Variants in SEC24A observed in about 807,000 individuals in gnomAD.
SEC24A encodes the protein SEC24 homolog A, COPII component, also known as protein transport protein Sec24A.
In SEC24A, 93 loss-of-function variants were observed where a neutral mutation model predicts 129.4. The ratio of observed to expected loss-of-function variants is 0.72; its 90% CI spans 0.61 to 0.85. The LOEUF (loss-of-function observed/expected upper bound fraction) is 0.85, where lower values mean the gene tolerates loss of function less well. Ranked by LOEUF, SEC24A falls within the 40% of genes least tolerant of loss-of-function variation. The pLI, the probability that SEC24A is intolerant of heterozygous loss-of-function variation, is 0.00. For synonymous variants in SEC24A, 460 were observed against 467.3 expected (o/e 0.98, Z 0.20); for missense variants, 1,264 against 1,307.4 (o/e 0.97, Z 0.51).
At chr5:134,705,090 A>ATATATATATATATATATATATATATT (rs1180461537) in intron 16 of SEC24A, among the ~76,000 whole-genome samples, 2 of 123,304 alleles carry the variant, frequency 1.6e-5, no homozygotes, top group Non-Finnish European at 3.4e-5. Context: ...ATATATATAT[A>ATATATATATATATATATATATATATT]TTTTTTTTTT....
chr5:134,672,568 G>A (rs1010008446), intron 4 of SEC24A, among the ~76,000 whole-genome samples: 7 of 151,886 alleles, frequency 4.6e-5, no homozygotes, highest in South Asian at 2.1e-4. Context: ...GGGCTCAAGC[G>A]ATCTGCCCAT....
In SEC24A at chr5:134,679,482, C is replaced by CT. The variant is rs1751185623; in HGVS notation, c.1255-119dup. 1.5e-5 allele frequency: 9 copies of CT among 595,740 alleles called. No homozygotes were observed. The Admixed American group carries it at 2.2e-4, about 15-fold the overall frequency. 36.9% of individuals were successfully genotyped at this position (595,740 alleles called of 1,614,324 possible). ...TGGCAGTTTAGATACATCTTGTACT[C>CT]TAAGTTTTCTCTAAAATGATAATAT... On this transcript the variant is annotated intron_variant, in intron 7 of 22. Transcript: ENST00000398844.
rs146328687 is a variant in SEC24A, at chr5:134,687,442, C to T, written c.1604+540C>T. On this transcript the variant is annotated intron_variant, in intron 10 of 22. Coordinates refer to ENST00000398844, the MANE Select transcript of SEC24A (RefSeq NM_021982.3). The stretch of plus-strand genomic sequence containing the variant: ...CATTTGGTTATCAAGTGTCTTAAGT[C>T]TCTTAAAATAACTATTTCCAGTGGT... 9.2e-5 allele frequency among the ~76,000 whole-genome samples: 14 copies of T among 152,252 alleles called. No individual in the cohort carries two copies. The East Asian group carries it at 2.5e-3, about 27-fold the overall frequency.
chr5:134,707,888 A>G (rs1323565024), intron 17 of SEC24A, among the ~76,000 whole-genome samples: 1 of 152,102 alleles, frequency 6.6e-6, no homozygotes, highest in Admixed American at 6.6e-5. Flanking sequence ...GTCATGGCAA[A>G]TGATGAAAAT....
In SEC24A at chr5:134,649,130, C is replaced by T; in HGVS notation, c.54C>T (p.Ala18=). 6.2e-7 allele frequency: 1 copy of T among 1,610,378 alleles called. No individual in the cohort carries two copies. Among genetic ancestry groups the T allele is most frequent in the Non-Finnish European group, 8.5e-7 (1 of 1,178,518 alleles). The change falls in exon 1 of 23, where the codon GCC becomes GCT. Residue 18 remains alanine, a synonymous_variant. Transcript: ENST00000398844. The stretch of plus-strand genomic sequence containing the variant: ...GCGGCGCCCCAGCCAGCCTCCAGGC[C>T]CAGAACGGAGCCGCCTTGGCCTCGG... ...ASGGAPASLQ[A]QNGAALASGS...
chr5:134,722,217 G>A (rs1256013810), intron 21 of SEC24A, among the ~76,000 whole-genome samples: 5 of 152,090 alleles, frequency 3.3e-5, no homozygotes, highest in Non-Finnish European at 4.4e-5. Flanking sequence ...TTGCCCGGGC[G>A]TGGTGGCTCA....
chr5:134,682,405 A>G lies in SEC24A; in HGVS notation c.1414A>G (p.Arg472Gly). The stretch of plus-strand genomic sequence containing the variant: ...AGAATTCTTGTACAACCCTTTGACC[A>G]GAGTTTATGGAGAACCTCACAGAAG... ...PEEFLYNPLTRVYGEPHRRPE... is the reference protein window; with the variant it reads ...PEEFLYNPLTGVYGEPHRRPE... The change falls in exon 9 of 23, where the codon AGA becomes GGA. Residue 472 changes from arginine to glycine, a missense_variant. Coordinates refer to ENST00000398844, the MANE Select transcript of SEC24A (RefSeq NM_021982.3). 1.2e-6 allele frequency: 2 copies of G among 1,606,420 alleles called. No homozygotes were observed. Among genetic ancestry groups the G allele is most frequent in the Non-Finnish European group, 1.7e-6 (2 of 1,173,304 alleles).
At chr5:134,702,029 C>T (rs975067478) in intron 15 of SEC24A, among the ~76,000 whole-genome samples, 1 of 152,154 alleles carries the variant, frequency 6.6e-6, no homozygotes, top group African/African-American at 2.4e-5. Flanking sequence ...TTTCCCATGG[C>T]ATTTATAAAC....
At chr5:134,672,025 T>C in intron 4 of SEC24A, 139 bp downstream of exon 4, 1 of 594,764 alleles carries the variant, frequency 1.7e-6, no homozygotes, top group Non-Finnish European at 2.9e-6. Flanking sequence ...ACTTATTTAT[T>C]TATTTATTTG....
In SEC24A at chr5:134,676,214, A is replaced by G. The variant is rs1751056229; in HGVS notation, c.1254+89A>G. 13 of 851,914 alleles carry G rather than the reference A, an allele frequency of 1.5e-5. No individual in the cohort carries two copies. In the South Asian group the frequency reaches 2.1e-4, roughly 14 times the overall value. 52.8% of individuals were successfully genotyped at this position (851,914 alleles called of 1,614,324 possible). A position where few individuals can be genotyped will look rare whatever the true frequency, so the allele number is the denominator to read the frequency against. The stretch of plus-strand genomic sequence containing the variant: ...GAGTGCAGTGACGCAGTCTCAGCTT[A>G]TTGCAACCTCTGCCCTCCATGTTCA... On this transcript the variant is annotated intron_variant, in intron 7 of 22. Transcript: ENST00000398844.
chr5:134,712,699 A>G (rs909270402), intron 18 of SEC24A, among the ~76,000 whole-genome samples: 2 of 151,532 alleles, frequency 1.3e-5, no homozygotes, highest in African/African-American at 2.4e-5. Flanking sequence ...GCTCACTGCA[A>G]CCTCCGCCTC....
At chr5:134,654,853 A>C (rs1239060491) in intron 1 of SEC24A, among the ~76,000 whole-genome samples, 1 of 152,096 alleles carries the variant, frequency 6.6e-6, no homozygotes, top group Admixed American at 6.6e-5. Context: ...AGTAGCTGGG[A>C]TTACAGGTGT....
chr5:134,649,277 C>T, intron 1 of SEC24A, 104 bp downstream of exon 1: 1 of 794,638 alleles, frequency 1.3e-6, no homozygotes, highest in Non-Finnish European at 1.9e-6. Context: ...ACCTCCTTAC[C>T]GGGTTCTGGC....
chr5:134,695,216 A>G (rs963581725), intron 13 of SEC24A, among the ~76,000 whole-genome samples: 2 of 152,002 alleles, frequency 1.3e-5, no homozygotes, highest in African/African-American at 4.8e-5. Flanking sequence ...CAAAAATACA[A>G]AAAAAATTAG....
At position 134,707,343 on chromosome 5, in the gene SEC24A, T is replaced by A. The variant is rs548279130; in HGVS notation, c.2552-1370T>A. Among the ~76,000 whole-genome samples, 142 of 151,978 alleles carry A rather than the reference T, an allele frequency of 9.3e-4. 1 individual carries two copies. The highest frequency in any genetic ancestry group is 2.7e-3 in the African/African-American group (113 of 41,496). ...CTTTATTTTATTTATTTATTTTTTTTTTTTGAGGTGGAGTCTCACTCTATC... is the reference window on the plus strand; with the variant it reads ...CTTTATTTTATTTATTTATTTTTTTATTTTGAGGTGGAGTCTCACTCTATC... On this transcript the variant is annotated intron_variant, in intron 17 of 22. Coordinates refer to ENST00000398844, the MANE Select transcript of SEC24A (RefSeq NM_021982.3).
intron 2 of SEC24A, 119 bp from the exon 3 acceptor site, chr5:134,666,704 A>G (rs1750673352): frequency 1.4e-6 from 1 of 739,746 alleles, no homozygotes; most frequent in Non-Finnish European, 2.3e-6. Flanking sequence ...GTTTCTGGTA[A>G]CTCTTTGGTT....
intron 19 of SEC24A, chr5:134,715,409 C>A: frequency 2.8e-6 from 1 of 363,582 alleles, no homozygotes; most frequent in Non-Finnish European, 4.8e-6. Flanking sequence ...TCAAATTGAC[C>A]AGAGCAACTT....
chr5:134,710,336 A>T (rs1018692844), intron 18 of SEC24A, among the ~76,000 whole-genome samples: 1 of 151,592 alleles, frequency 6.6e-6, no homozygotes, highest in Non-Finnish European at 1.5e-5. Context: ...CGTTCAGGCA[A>T]TTCTCTCGCC....
intron 19 of SEC24A, among the ~76,000 whole-genome samples, chr5:134,716,194 G>A (rs1426967857): frequency 6.6e-6 from 1 of 152,178 alleles, no homozygotes; most frequent in African/African-American, 2.4e-5. Flanking sequence ...CAGGTATGGT[G>A]GCTCACACCT....
Sources: allele counts gnomAD v4.1 joint callset (sites outside exome capture counted in the v4.1 genomes callset), GRCh38; gene constraint gnomAD v4.1.1; transcripts MANE v1.5; gene names NCBI Gene and HGNC (gene_info 2026-07-23, HGNC 2026-07-21).